Variants in SLC4A2 observed in about 807,000 individuals in gnomAD.
SLC4A2 encodes the protein solute carrier family 4 member 2, also known as anion exchange protein 2.
Under a neutral mutation model 115.0 loss-of-function variants are expected in SLC4A2, and 36 were observed. That is an observed-to-expected ratio of 0.31 (90% confidence interval 0.24 to 0.41). The LOEUF is 0.41. Ranked by LOEUF, SLC4A2 falls within the 10% of genes least tolerant of loss-of-function variation. The pLI is 1.00. For missense variants in SLC4A2, 1,252 were observed against 1,705.6 expected, an observed-to-expected ratio of 0.73 and a Z score of 4.68; for synonymous variants, 708 against 708.3, an observed-to-expected ratio of 1.00 and a Z score of 0.01.
intron 3 of SLC4A2, 68 bp from the exon 4 acceptor site, chr7:151,064,458 G>T: frequency 1.9e-6 from 3 of 1,576,880 alleles, no homozygotes; most frequent in Non-Finnish European, 2.6e-6. Flanking sequence ...GAGGAGTGGG[G>T]CTAGGGGGCA....
At chr7:151,062,375 C>T (rs1346490278) in intron 2 of SLC4A2, among the ~76,000 whole-genome samples, 2 of 152,170 alleles carry the variant, frequency 1.3e-5, no homozygotes, top group Admixed American at 6.5e-5. Flanking sequence ...GTCAAGTCTG[C>T]ACGCGGGCCA....
intron 2 of SLC4A2, chr7:151,062,428 C>T (rs1475316467): frequency 2.1e-6 from 2 of 962,166 alleles, no homozygotes; most frequent in Non-Finnish European, 2.9e-6. Context: ...GCCACGCCCC[C>T]TGCCCACGTG....
intron 16 of SLC4A2, among the ~76,000 whole-genome samples, chr7:151,073,630 A>G (rs1265562081): frequency 6.6e-6 from 1 of 152,204 alleles, no homozygotes; most frequent in Non-Finnish European, 1.5e-5. Context: ...ACATTTTTTA[A>G]TAACAAAGGT....
Position 151,076,008 on chromosome 7 carries a change from C to A in SLC4A2, c.3472-5C>A. 1 of 1,582,068 alleles carries A rather than the reference C, an allele frequency of 6.3e-7. No homozygotes were observed. Reference sequence around the variant, plus strand: ...AAGCTGGGCTCACCTGTCTCCGCCCCCCAGGTCCGGACCCTCCGTATGCAC... The same window carrying A: ...AAGCTGGGCTCACCTGTCTCCGCCCACCAGGTCCGGACCCTCCGTATGCAC... On this transcript the variant is annotated splice_polypyrimidine_tract_variant and splice_region_variant and intron_variant, in intron 21 of 22. Transcript: ENST00000413384.
intron 6 of SLC4A2, 43 bp downstream of exon 6, chr7:151,066,804 GGAGT>G (rs1185497169): frequency 3.4e-5 from 54 of 1,594,366 alleles, no homozygotes; most frequent in Non-Finnish European, 4.6e-5. Context: ...GGTGGGCAAA[GGAGT>G]GAGAGAAAGG....
At position 151,074,052 on chromosome 7, in the gene SLC4A2, A is replaced by AC; in HGVS notation, c.2554dup (p.Leu852ProfsTer16). On this transcript the variant is annotated frameshift_variant, in exon 17 of 23. Coordinates refer to ENST00000413384, the MANE Select transcript of SLC4A2 (RefSeq NM_003040.4). LOFTEE classifies it high-confidence loss of function. ...TCCTCTCCCCAGATCTTCCAGGAGC[A>AC]CCCCCTGCATGGCTGCTCAGCCTCC... 6.3e-7 allele frequency: 1 copy of AC among 1,581,170 alleles called. No individual in the cohort carries two copies. The highest frequency in any genetic ancestry group is 8.6e-7 in the Non-Finnish European group (1 of 1,158,912).
Position 151,075,446 on chromosome 7 carries a change from A to G in SLC4A2, c.3239A>G (p.Lys1080Arg). 1 of 1,604,546 alleles carries G rather than the reference A, an allele frequency of 6.2e-7. No homozygotes were observed. Among genetic ancestry groups the G allele is most frequent in the Non-Finnish European group, 8.5e-7 (1 of 1,179,956 alleles). ...AGCAAGGCTGTGGCACCTGGGGACA[A>G]GCCCAAGATTCAGGAAGTCAAGGAG... ...VMSKAVAPGD[K>R]PKIQEVKEQR... The change falls in exon 20 of 23, where the codon AAG becomes AGG. Residue 1080 changes from lysine to arginine, a missense_variant. Physicochemically the swap from Lys to Arg is conservative, Grantham distance 26 (BLOSUM62 2). Transcript: ENST00000413384.
In SLC4A2 at chr7:151,076,518, C is replaced by T. The variant is rs2150380912; in HGVS notation, c.*151C>T. 3 of 726,240 alleles carry T rather than the reference C, an allele frequency of 4.1e-6. No individual in the cohort carries two copies. Among genetic ancestry groups the T allele is most frequent in the Admixed American group, 3.4e-5 (1 of 29,712 alleles). 45.0% of individuals were successfully genotyped at this position (726,240 alleles called of 1,614,324 possible). A position where few individuals can be genotyped will look rare whatever the true frequency, so the allele number is the denominator to read the frequency against. On this transcript the variant is annotated 3_prime_UTR_variant, in exon 23 of 23. Transcript: ENST00000413384. ...CTGCCCCTGCAGTAAAGTGCTTTGG[C>T]CCCCACCTATCTGTGGCCTTTTGTC...
chr7:151,070,648 C>T (rs1797403750), intron 11 of SLC4A2, 77 bp downstream of exon 11: 1 of 1,600,560 alleles, frequency 6.2e-7, no homozygotes, highest in Non-Finnish European at 8.5e-7. Flanking sequence ...CCTGGCCCTG[C>T]CTTGGTGCCA....
rs763489784 is a variant in SLC4A2 at position 151,071,871 on chromosome 7, C to G, written c.2340+34C>G. ...TCTTCTCGCCCATCTCCAGCCGCCC[C>G]TCCCGTGCCCTAGACACCTCCCCAC... On this transcript the variant is annotated intron_variant, in intron 15 of 22. Transcript: ENST00000413384. This position sits in a 1 kb window ranked among gnomAD's most constrained non-coding sequence, Gnocchi z 5.5. 2 of 1,603,642 alleles carry G rather than the reference C, an allele frequency of 1.2e-6. No homozygotes were observed. Among genetic ancestry groups the G allele is most frequent in the South Asian group, 2.2e-5 (2 of 90,338 alleles).
intron 22 of SLC4A2, 26 bp downstream of exon 22, chr7:151,076,212 G>C (rs372930320): frequency 1.2e-5 from 19 of 1,608,790 alleles, no homozygotes; most frequent in East Asian, 2.2e-5. Context: ...TGCCTCCCCC[G>C]GTTCCTCTTG....
Position 151,064,625 on chromosome 7 carries a change from C to T in SLC4A2, c.317C>T (p.Pro106Leu), listed in dbSNP as rs752891100. 6.2e-7 allele frequency: 1 copy of T among 1,613,608 alleles called. No individual in the cohort carries two copies. Among genetic ancestry groups the T allele is most frequent in the Admixed American group, 1.7e-5 (1 of 60,016 alleles). The change falls in exon 4 of 23, where the codon CCT becomes CTT. Residue 106 changes from proline (P) to leucine (L), a missense_variant. Physicochemically the swap from Pro to Leu is moderately conservative, Grantham distance 98. This residue lies in a region of SLC4A2 where 215 missense variants were observed against 205.2 expected (regional missense o/e 1.05). Transcript: ENST00000413384. ...RKTPQGPGRK[P>L]RRRPGASPTG... ...ACACCCCAGGGCCCAGGACGGAAGC[C>T]TCGAAGGCGCCCGGGAGCCTCCCCG... is the stretch of plus-strand genomic sequence containing the variant.
chr7:151,071,046 C>T lies in SLC4A2; in HGVS notation c.1750-26C>T. Reference sequence around the variant, plus strand: ...CCCTCAGCCCTCTTCTTTGTGCTCTCCCCCATCCCCATGCTGCTTTGGCAG... The same window carrying T: ...CCCTCAGCCCTCTTCTTTGTGCTCTTCCCCATCCCCATGCTGCTTTGGCAG... On this transcript the variant is annotated intron_variant, in intron 12 of 22. Coordinates refer to ENST00000413384, the MANE Select transcript of SLC4A2 (RefSeq NM_003040.4). The surrounding 1 kb of genome is among the most constrained non-coding windows in gnomAD (Gnocchi z 5.5). 1 of 1,610,726 alleles carries T rather than the reference C, an allele frequency of 6.2e-7. No homozygotes were observed. Among genetic ancestry groups the T allele is most frequent in the Non-Finnish European group, 8.5e-7 (1 of 1,178,642 alleles).
At chr7:151,072,910 C>T (rs988520933) in intron 16 of SLC4A2, among the ~76,000 whole-genome samples, 1 of 151,944 alleles carries the variant, frequency 6.6e-6, no homozygotes, top group African/African-American at 2.4e-5. Flanking sequence ...GTGATCCGCC[C>T]GCCTCGCCTC....
rs892496664 is a variant in SLC4A2, at chr7:151,064,457, G to A, written c.218-69G>A. 2.5e-6 allele frequency: 4 copies of A among 1,578,082 alleles called. No homozygotes were observed. In the African/African-American group the frequency reaches 4.0e-5, roughly 16 times the overall value. On this transcript the variant is annotated intron_variant, in intron 3 of 22. Coordinates refer to ENST00000413384, the MANE Select transcript of SLC4A2 (RefSeq NM_003040.4). ...ACTGGGGTCCTAGTGGGAGGAGTGG[G>A]GCTAGGGGGCAGGATGGCAGGGGAG... is the stretch of plus-strand genomic sequence containing the variant.
At chr7:151,073,949 T>A in intron 16 of SLC4A2, 90 bp from the exon 17 acceptor site, 4 of 1,350,092 alleles carry the variant, frequency 3.0e-6, no homozygotes, top group Non-Finnish European at 4.1e-6. Context: ...GCCTTTCCCC[T>A]GCCCCACCCC....
chr7:151,064,113 C>T, intron 2 of SLC4A2, 89 bp from the exon 3 acceptor site: 1 of 1,390,330 alleles, frequency 7.2e-7, no homozygotes, highest in Middle Eastern at 2.6e-4. Flanking sequence ...GGGGAGGGTT[C>T]CTGGGTCTCT....
intron 2 of SLC4A2, chr7:151,063,164 T>C (rs1186479660): frequency 8.0e-7 from 1 of 1,250,858 alleles, no homozygotes. Context: ...GGCCGGCCGC[T>C]GCTCCGCGCC....
At chr7:151,063,001 C>T (rs1462911309) in intron 2 of SLC4A2, 6 of 1,435,534 alleles carry the variant, frequency 4.2e-6, no homozygotes, top group Non-Finnish European at 5.5e-6. Flanking sequence ...TCCCGATGCC[C>T]TTCAGGTCCA....
Sources: allele counts gnomAD v4.1 joint callset (sites outside exome capture counted in the v4.1 genomes callset), GRCh38; gene constraint gnomAD v4.1.1; regional missense constraint gnomAD v4.1.1; non-coding constraint Gnocchi (gnomAD v3.1); transcripts MANE v1.5; gene names NCBI Gene and HGNC (gene_info 2026-07-23, HGNC 2026-07-21).